The following SPIDR variants were observed in gnomAD, a reference collection of about 807,000 sequenced individuals.
The protein encoded by SPIDR is scaffold protein involved in DNA repair, also known as DNA repair-scaffolding protein.
In SPIDR, 93 loss-of-function variants were observed where a neutral mutation model predicts 104.6. The observed-to-expected ratio is 0.89, with a 90% CI of 0.75 to 1.06. The LOEUF is 1.06. SPIDR is among the 50% of genes least tolerant of loss of function. The probability of loss-of-function intolerance (pLI) is 0.00; values close to 1 mark genes in which losing one functional copy is unlikely to be tolerated. For synonymous variants in SPIDR, 431 were observed against 416.9 expected, an observed-to-expected ratio of 1.03 and a Z score of -0.41; for missense variants, 1,154 against 1,111.2, an observed-to-expected ratio of 1.04 and a Z score of -0.55.
chr8:47,415,371 T>A (rs142885722), intron 7 of SPIDR, among the ~76,000 whole-genome samples: 1 of 152,292 alleles, frequency 6.6e-6, no homozygotes, highest in African/African-American at 2.4e-5. Context: ...TCCAATACAG[T>A]CCATTGACCC....
Position 47,460,155 on chromosome 8 carries a change from T to G in SPIDR, c.1097+19613T>G, listed in dbSNP as rs185520941. Among the ~76,000 whole-genome samples the G allele has an allele frequency of 5.6e-3, 852 of 152,310 alleles. 8 individuals carry two copies. The highest frequency in any genetic ancestry group is 0.019 in the African/African-American group (786 of 41,584). On this transcript the variant is annotated intron_variant, in intron 8 of 19. Coordinates refer to ENST00000297423, the MANE Select transcript of SPIDR (RefSeq NM_001080394.4). Reference sequence around the variant, plus strand: ...TTTGTAAATATGTTAAGTCCATTTGTTCCAGGGCATAGTTTAAATCCATTG... The same window carrying G: ...TTTGTAAATATGTTAAGTCCATTTGGTCCAGGGCATAGTTTAAATCCATTG...
chr8:47,393,678 C>CTTTCCCTTTCCTT, intron 5 of SPIDR, among the ~76,000 whole-genome samples: 1 of 6,732 alleles, frequency 1.5e-4, no homozygotes, highest in Admixed American at 1.3e-3. Flanking sequence ...TTCCTTTTTC[C>CTTTCCCTTTCCTT]TTTCCTTTCC....
At chr8:47,703,994 A>C (rs934233173) in intron 14 of SPIDR, among the ~76,000 whole-genome samples, 5 of 152,242 alleles carry the variant, frequency 3.3e-5, no homozygotes, top group Non-Finnish European at 5.9e-5. Flanking sequence ...TGATCGTCAT[A>C]TGAAAGTACT....
intron 8 of SPIDR, among the ~76,000 whole-genome samples, chr8:47,477,261 G>A (rs1554724316): frequency 6.6e-6 from 1 of 151,884 alleles, no homozygotes; most frequent in Non-Finnish European, 1.5e-5. Flanking sequence ...GTGCAGTGGT[G>A]CTATCTCAGC....
intron 5 of SPIDR, among the ~76,000 whole-genome samples, chr8:47,330,128 C>A (rs2048402534): frequency 6.6e-6 from 1 of 151,618 alleles, no homozygotes; most frequent in South Asian, 2.1e-4. Flanking sequence ...AAGCAATAAT[C>A]AGTTTTTGTT....
intron 5 of SPIDR, among the ~76,000 whole-genome samples, chr8:47,302,367 T>C: frequency 6.6e-6 from 1 of 152,032 alleles, no homozygotes; most frequent in Non-Finnish European, 1.5e-5. Flanking sequence ...CCAAGATTTT[T>C]AACTTCTTTG....
rs1188336563 is a variant in SPIDR, at chr8:47,397,812, C to T, written c.776+1186C>T. Among the ~76,000 whole-genome samples, 4 of 152,232 alleles carry T rather than the reference C, an allele frequency of 2.6e-5. No homozygotes were observed. In the South Asian group the frequency reaches 6.2e-4, roughly 24 times the overall value. ...TTACTCTCTTCCGTATTGCCAGTCA[C>T]CTTGAAAAGATCCAGCCTCTAGAGA... On this transcript the variant is annotated intron_variant, in intron 6 of 19. Coordinates refer to ENST00000297423, the MANE Select transcript of SPIDR (RefSeq NM_001080394.4).
intron 11 of SPIDR, among the ~76,000 whole-genome samples, chr8:47,691,411 T>G (rs1249830508): frequency 6.6e-6 from 1 of 152,208 alleles, no homozygotes; most frequent in Non-Finnish European, 1.5e-5. Context: ...TAGGCTATTC[T>G]TAGCGGAGAT....
At chr8:47,701,657 A>C in intron 12 of SPIDR, 64 bp from the exon 13 acceptor site, 1 of 1,500,906 alleles carries the variant, frequency 6.7e-7, no homozygotes, top group Non-Finnish European at 9.1e-7. Flanking sequence ...GATTTTAATA[A>C]TATCTCCTCT....
At chr8:47,522,958 G>A (rs1564219385) in intron 8 of SPIDR, among the ~76,000 whole-genome samples, 1 of 151,728 alleles carries the variant, frequency 6.6e-6, no homozygotes. Flanking sequence ...GTATGTGTGT[G>A]TGTGGTTTGC....
At chr8:47,268,870 T>C (rs1317035614) in intron 1 of SPIDR, among the ~76,000 whole-genome samples, 1 of 152,188 alleles carries the variant, frequency 6.6e-6, no homozygotes, top group Non-Finnish European at 1.5e-5. Flanking sequence ...GGATTTCCTG[T>C]GTACAAGGTC....
intron 3 of SPIDR, among the ~76,000 whole-genome samples, chr8:47,284,615 C>G (rs1253700904): frequency 6.6e-6 from 1 of 152,178 alleles, no homozygotes; most frequent in African/African-American, 2.4e-5. Flanking sequence ...TAGATTCTTT[C>G]TGAATTCTGT....
chr8:47,429,602 A>G (rs189069790), intron 7 of SPIDR, among the ~76,000 whole-genome samples: 425 of 152,072 alleles, frequency 2.8e-3, no homozygotes, highest in African/African-American at 9.9e-3. Context: ...TAATTTAAAA[A>G]TGTTACAACA....
At chr8:47,520,232 T>G (rs1587053462) in intron 8 of SPIDR, among the ~76,000 whole-genome samples, 1 of 152,214 alleles carries the variant, frequency 6.6e-6, no homozygotes. Flanking sequence ...TCTGTATACA[T>G]TCCTGCATTG....
At chr8:47,623,828 G>A (rs562670755) in intron 10 of SPIDR, among the ~76,000 whole-genome samples, 3 of 152,230 alleles carry the variant, frequency 2.0e-5, no homozygotes, top group Non-Finnish European at 1.5e-5. Flanking sequence ...ACAGATCAAC[G>A]AGACAGAAAG....
intron 10 of SPIDR, among the ~76,000 whole-genome samples, chr8:47,624,953 A>T (rs903009851): frequency 3.9e-5 from 6 of 152,184 alleles, no homozygotes; most frequent in South Asian, 4.1e-4. Context: ...ATTTTAGACC[A>T]ATGTCCTTGA....
Position 47,279,929 on chromosome 8 carries a change from C to T in SPIDR, c.101C>T (p.Ala34Val). ...PGERPLQVRR[A>V]GLRTAGAAAS... The stretch of plus-strand genomic sequence containing the variant: ...GAAAGACCACTGCAGGTCAGAAGAG[C>T]AGGTCTCAGGACAGCAGGGGCAGCT... Residue 34 changes from alanine (A) to valine (V), a missense_variant, in exon 2 of 20, where the codon GCA (alanine) becomes GTA (valine). By Grantham distance (64) the Ala-to-Val change is moderately conservative (BLOSUM62 0). Coordinates refer to ENST00000297423, the MANE Select transcript of SPIDR (RefSeq NM_001080394.4). 1 of 1,614,076 alleles carries T rather than the reference C, an allele frequency of 6.2e-7. No individual in the cohort carries two copies. The highest frequency in any genetic ancestry group is 8.5e-7 in the Non-Finnish European group (1 of 1,179,976).
chr8:47,293,827 TAAG>T, intron 4 of SPIDR, 37 bp from the exon 5 acceptor site: 1 of 1,552,098 alleles, frequency 6.4e-7, no homozygotes, highest in Non-Finnish European at 8.8e-7. Flanking sequence ...AGTGAAAGAT[TAAG>T]GAGATAATTA....
At chr8:47,457,975 A>G (rs1291966965) in intron 8 of SPIDR, among the ~76,000 whole-genome samples, 1 of 152,154 alleles carries the variant, frequency 6.6e-6, no homozygotes, top group Non-Finnish European at 1.5e-5. Flanking sequence ...TACCAGCACC[A>G]TGCTGTTTTG....
Sources: allele counts gnomAD v4.1 joint callset (sites outside exome capture counted in the v4.1 genomes callset), GRCh38; gene constraint gnomAD v4.1.1; transcripts MANE v1.5; gene names NCBI Gene and HGNC (gene_info 2026-07-23, HGNC 2026-07-21).